The following PGCKA1 variants were observed in gnomAD, a reference collection of about 807,000 sequenced individuals.
PGCKA1 encodes PDCD10 and GCKIII kinases-associated protein 1.
chr4:37,478,150 CCA>C, the PGCKA1 span, among the ~76,000 whole-genome samples: 8,273 of 113,868 alleles, frequency 0.073, 422 homozygotes, highest in Admixed American at 0.096. Context: ...ACACCCCCCC[CCA>C]CCGCCACTTA....
chr4:37,556,246 T>G, the PGCKA1 span, among the ~76,000 whole-genome samples: 4 of 128,846 alleles, frequency 3.1e-5, no homozygotes, highest in South Asian at 9.8e-4. Context: ...TTTATTTTCT[T>G]TTTCTTTTTT....
the PGCKA1 span, among the ~76,000 whole-genome samples, chr4:37,551,715 T>A: frequency 6.6e-6 from 1 of 152,186 alleles, no homozygotes; most frequent in South Asian, 2.1e-4. Context: ...CCTGAAGCCA[T>A]GTTTAGAAGG....
chr4:37,588,804 A>T, the PGCKA1 span: 2 of 1,370,844 alleles, frequency 1.5e-6, no homozygotes, highest in Non-Finnish European at 2.1e-6. Flanking sequence ...CTACTAATAT[A>T]TCACTCACTG....
the PGCKA1 span, among the ~76,000 whole-genome samples, chr4:37,459,235 C>G: frequency 1.3e-5 from 2 of 152,078 alleles, no homozygotes; most frequent in Non-Finnish European, 2.9e-5. Context: ...AACATATGGT[C>G]TCATTTATAT....
the PGCKA1 span, among the ~76,000 whole-genome samples, chr4:37,530,226 A>G: frequency 1.3e-5 from 2 of 152,266 alleles, no homozygotes; most frequent in Admixed American, 6.5e-5. Context: ...GATCTTTTCT[A>G]TTATAAATTT....
chr4:37,491,707 T>C, the PGCKA1 span, among the ~76,000 whole-genome samples: 1 of 152,162 alleles, frequency 6.6e-6, no homozygotes, highest in African/African-American at 2.4e-5. Context: ...ATCTAGAAAA[T>C]CTACCCTCCA....
At chr4:37,533,655 C>T in the PGCKA1 span, among the ~76,000 whole-genome samples, 3 of 152,110 alleles carry the variant, frequency 2.0e-5, no homozygotes, top group East Asian at 5.8e-4. Flanking sequence ...AAAAAAACAA[C>T]AACTAAAGAT....
chr4:37,502,158 C>T, the PGCKA1 span, among the ~76,000 whole-genome samples: 53 of 152,192 alleles, frequency 3.5e-4, no homozygotes, highest in African/African-American at 1.3e-3. Flanking sequence ...CAGCCAAAGC[C>T]TTTCATAGGG....
chr4:37,455,623 T>G, the PGCKA1 span, among the ~76,000 whole-genome samples: 1 of 152,198 alleles, frequency 6.6e-6, no homozygotes, highest in African/African-American at 2.4e-5. Flanking sequence ...TTTCCTGTGT[T>G]TCAAAGAGCT....
At chr4:37,557,411 G>A in the PGCKA1 span, among the ~76,000 whole-genome samples, 9 of 152,246 alleles carry the variant, frequency 5.9e-5, no homozygotes, top group East Asian at 1.7e-3. Flanking sequence ...GAAAGTGGGT[G>A]GTTTATAAAC....
At chr4:37,528,605 T>A in the PGCKA1 span, among the ~76,000 whole-genome samples, 19 of 152,018 alleles carry the variant, frequency 1.2e-4, no homozygotes, top group Non-Finnish European at 8.8e-5. Flanking sequence ...TCCTTGAAAA[T>A]TTTTTAAAAA....
At chr4:37,509,024 G>A in the PGCKA1 span, among the ~76,000 whole-genome samples, 57,989 of 134,950 alleles carry the variant, frequency 0.43, 9,414 homozygotes, top group African/African-American at 0.48. Context: ...AGCATCCCAA[G>A]GCAGAAGAAT....
chr4:37,549,557 T>C, the PGCKA1 span, among the ~76,000 whole-genome samples: 2 of 152,210 alleles, frequency 1.3e-5, no homozygotes, highest in South Asian at 2.1e-4. Context: ...GTGGTGACTT[T>C]AATAAATACC....
the PGCKA1 span, among the ~76,000 whole-genome samples, chr4:37,530,675 C>T: frequency 6.6e-6 from 1 of 151,328 alleles, no homozygotes; most frequent in East Asian, 1.9e-4. Flanking sequence ...CTGTCAGTCA[C>T]GTTTGAAAAT....
chr4:37,454,322 A>G, the PGCKA1 span, among the ~76,000 whole-genome samples: 1 of 152,202 alleles, frequency 6.6e-6, no homozygotes, highest in African/African-American at 2.4e-5. Context: ...AGGCGTTTGT[A>G]AAGCTTGGCG....
the PGCKA1 span, chr4:37,591,163 T>C: frequency 3.3e-6 from 2 of 605,398 alleles, no homozygotes; most frequent in African/African-American, 3.7e-5. Flanking sequence ...TGTCCCATGC[T>C]GCTTGTCACA....
the PGCKA1 span, among the ~76,000 whole-genome samples, chr4:37,571,301 A>G: frequency 6.8e-6 from 1 of 146,888 alleles, no homozygotes; most frequent in Admixed American, 6.8e-5. Context: ...TAGACTTTTG[A>G]TGAGCTGCCT....
At chr4:37,548,001 CAAAAAAAAAAG>C in the PGCKA1 span, among the ~76,000 whole-genome samples, 1 of 115,720 alleles carries the variant, frequency 8.6e-6, no homozygotes, top group Non-Finnish European at 1.8e-5. Context: ...TGGTTATCTT[CAAAAAAAAAAG>C]GAAAAAAAAA....
chr4:37,458,813 G>T, the PGCKA1 span, among the ~76,000 whole-genome samples: 5 of 152,152 alleles, frequency 3.3e-5, no homozygotes, highest in Non-Finnish European at 7.3e-5. Context: ...TTAGAAAATG[G>T]CATGGATTCA....
Sources: gnomAD v4.1 joint callset for allele counts (sites outside exome capture counted in the v4.1 genomes callset) on GRCh38, gnomAD v4.1.1 for gene constraint, MANE v1.5 for transcripts, NCBI Gene and HGNC (gene_info 2026-07-23, HGNC 2026-07-21) for gene names.